Variants in PLXDC2 observed in about 807,000 individuals in gnomAD.
The protein encoded by PLXDC2 is plexin domain containing 2, also known as plexin domain-containing protein 2.
A neutral mutation model predicts 68.9 loss-of-function variants in PLXDC2; 40 were observed. The ratio of observed to expected loss-of-function variants is 0.58; its 90% CI spans 0.45 to 0.76. The LOEUF is 0.76. Among genes scored for constraint, PLXDC2 ranks in the 30% least tolerant of loss-of-function variants. PLXDC2 has a pLI of 0.00. For synonymous variants in PLXDC2, 243 were observed against 234.2 expected, an observed-to-expected ratio of 1.04 and a Z score of -0.34; for missense variants, 644 against 661.9, an observed-to-expected ratio of 0.97 and a Z score of 0.30.
rs749435110 is a variant in PLXDC2, at chr10:19,818,227, GGTGTGTGTGTGT to G, written c.112+1071_112+1082del. Among the ~76,000 whole-genome samples the G allele has an allele frequency of 6.4e-3, 881 of 137,596 alleles. 1 individual carries two copies. The highest frequency in any genetic ancestry group is 9.4e-3 in the Non-Finnish European group (603 of 64,380). 90.3% of individuals were successfully genotyped at this position (137,596 alleles called of 152,430 possible). ...TCAATTTGTCAATTTGTTCTTTTCT[GGTGTGTGTGTGT>G]GTGTGTGTGTGTGTGTGTGTGTGTG... On this transcript the variant is annotated intron_variant, in intron 1 of 13. Transcript: ENST00000377252.
intron 1 of PLXDC2, among the ~76,000 whole-genome samples, chr10:19,927,713 C>CAAAAAAAAAAAAAA (rs35250324): frequency 4.0e-3 from 215 of 53,154 alleles, no homozygotes; most frequent in Admixed American, 6.2e-3. Context: ...GGAAAAAAAG[C>CAAAAAAAAAAAAAA]AAAAAAAAAA....
At position 20,217,478 on chromosome 10, in the gene PLXDC2, C is replaced by T; in HGVS notation, c.1175C>T (p.Thr392Ile). Reference sequence around the variant, plus strand: ...GAACCAGTGGAAACTTCTTCTCGAACCACCACAACCGTAGGAGCGACAACC... The same window carrying T: ...GAACCAGTGGAAACTTCTTCTCGAATCACCACAACCGTAGGAGCGACAACC... The part of the protein sequence containing the change: ...NTEPVETSSR[T>I]TTTVGATTTQ... Residue 392 changes from threonine to isoleucine, a missense_variant, in exon 11 of 14, where the codon ACC becomes ATC. By Grantham distance (89) the Thr-to-Ile change is moderately conservative. This residue lies in a region of PLXDC2 where 330 missense variants were observed against 327.9 expected (regional missense o/e 1.01). Coordinates refer to ENST00000377252, the MANE Select transcript of PLXDC2 (RefSeq NM_032812.9). 6.2e-7 allele frequency: 1 copy of T among 1,612,548 alleles called. No homozygotes were observed. Among genetic ancestry groups the T allele is most frequent in the Non-Finnish European group, 8.5e-7 (1 of 1,179,070 alleles).
rs576683040 is a variant in PLXDC2 at position 20,271,942 on chromosome 10, G to C, written c.1474-7761G>C. ...AATATATTATTTTCCCTATAAATAA[G>C]ATAAATGCCTTATCTTTAGTACTGT... On this transcript the variant is annotated intron_variant, in intron 13 of 13. Coordinates refer to ENST00000377252, the MANE Select transcript of PLXDC2 (RefSeq NM_032812.9). Among the ~76,000 whole-genome samples the C allele has an allele frequency of 2.0e-5, 3 of 152,278 alleles. No individual in the cohort carries two copies. In the South Asian group the frequency reaches 6.2e-4, roughly 32 times the overall value.
chr10:20,114,602 A>G (rs1385441493), intron 4 of PLXDC2, among the ~76,000 whole-genome samples: 1 of 152,234 alleles, frequency 6.6e-6, no homozygotes, highest in Non-Finnish European at 1.5e-5. Context: ...CAAAGGGTGT[A>G]ATCAGGCCTT....
At chr10:20,005,915 C>G (rs970300818) in intron 2 of PLXDC2, among the ~76,000 whole-genome samples, 2 of 152,084 alleles carry the variant, frequency 1.3e-5, no homozygotes, top group Non-Finnish European at 2.9e-5. Context: ...GTGGGCCAGG[C>G]GCAGTGGCTC....
chr10:19,937,553 T>TATATATATATATATATATAC (rs1330436218), intron 1 of PLXDC2, among the ~76,000 whole-genome samples: 2 of 68,682 alleles, frequency 2.9e-5, no homozygotes, highest in African/African-American at 6.3e-5. Flanking sequence ...TGTATATATA[T>TATATATATATATATATATAC]ATATATATAT....
intron 3 of PLXDC2, among the ~76,000 whole-genome samples, chr10:20,049,054 C>T (rs1589604732): frequency 6.6e-6 from 1 of 152,028 alleles, no homozygotes; most frequent in East Asian, 1.9e-4. Flanking sequence ...AGATACCCTG[C>T]CATTGTCATA....
intron 2 of PLXDC2, among the ~76,000 whole-genome samples, chr10:20,020,347 G>A (rs1018071078): frequency 9.9e-5 from 15 of 151,930 alleles, no homozygotes; most frequent in Non-Finnish European, 1.6e-4. Context: ...ATGGATAGCC[G>A]ACAATACCAG....
At chr10:19,827,073 C>T (rs931740322) in intron 1 of PLXDC2, among the ~76,000 whole-genome samples, 9 of 152,150 alleles carry the variant, frequency 5.9e-5, no homozygotes, top group East Asian at 5.8e-4. Context: ...TCCTTGCAAA[C>T]GTCTTTTCCT....
In PLXDC2 at chr10:19,816,619, A is replaced by C; in HGVS notation, c.-461A>C. The C allele has an allele frequency of 5.6e-6, 1 of 179,286 alleles. No individual in the cohort carries two copies. The highest frequency in any genetic ancestry group is 1.5e-4 in the East Asian group (1 of 6,592). 11.1% of individuals were successfully genotyped at this position (179,286 alleles called of 1,614,324 possible). ...CCGGGGCCATCCCTAGACAGAGGAA[A>C]GTTCCTGCAGAGCCGACCAGCCCTA... On this transcript the variant is annotated 5_prime_UTR_variant, in exon 1 of 14. Transcript: ENST00000377252.
At chr10:19,908,360 A>C (rs1471724560) in intron 1 of PLXDC2, among the ~76,000 whole-genome samples, 2 of 152,288 alleles carry the variant, frequency 1.3e-5, no homozygotes, top group African/African-American at 4.8e-5. Context: ...TGGGATTACA[A>C]TTGTTAGAAG....
intron 3 of PLXDC2, among the ~76,000 whole-genome samples, chr10:20,048,695 G>T (rs1225014362): frequency 6.6e-6 from 1 of 152,106 alleles, no homozygotes; most frequent in Non-Finnish European, 1.5e-5. Context: ...CTCAGTTAAA[G>T]TATTAGCTGA....
intron 2 of PLXDC2, among the ~76,000 whole-genome samples, chr10:20,010,747 C>G (rs1194042277): frequency 1.3e-5 from 2 of 152,164 alleles, no homozygotes; most frequent in Non-Finnish European, 2.9e-5. Flanking sequence ...CTTGCATTCT[C>G]CATGTTCAAA....
chr10:20,179,191 G>C (rs551859166), intron 9 of PLXDC2, among the ~76,000 whole-genome samples: 2 of 152,234 alleles, frequency 1.3e-5, no homozygotes, highest in African/African-American at 4.8e-5. Flanking sequence ...CCTCGTCCAA[G>C]TCTGCATGAG....
At chr10:20,222,345 A>T (rs1835223381) in intron 12 of PLXDC2, among the ~76,000 whole-genome samples, 1 of 152,196 alleles carries the variant, frequency 6.6e-6, no homozygotes, top group East Asian at 1.9e-4. Context: ...AGCATTAAAT[A>T]CTTCTGAGCA....
chr10:20,076,872 A>G (rs960039446), intron 4 of PLXDC2, among the ~76,000 whole-genome samples: 2 of 152,148 alleles, frequency 1.3e-5, no homozygotes, highest in Non-Finnish European at 2.9e-5. Context: ...CTGTCCCATG[A>G]TGACATTTTG....
chr10:19,893,000 T>C (rs1399197010), intron 1 of PLXDC2, among the ~76,000 whole-genome samples: 1 of 151,122 alleles, frequency 6.6e-6, no homozygotes, highest in Non-Finnish European at 1.5e-5. Flanking sequence ...TTCAATTCCA[T>C]AGATATTTAG....
chr10:20,025,707 A>G (rs952945611), intron 2 of PLXDC2, among the ~76,000 whole-genome samples: 1 of 152,004 alleles, frequency 6.6e-6, no homozygotes, highest in African/African-American at 2.4e-5. Context: ...AGAAGTTTCT[A>G]TTCAAGTCTT....
chr10:20,273,954 A>C (rs1344905413), intron 13 of PLXDC2, among the ~76,000 whole-genome samples: 1 of 151,930 alleles, frequency 6.6e-6, no homozygotes, highest in Non-Finnish European at 1.5e-5. Flanking sequence ...GGGGAAGATC[A>C]CTTGAGCCCA....
Sources: allele counts gnomAD v4.1 joint callset (sites outside exome capture counted in the v4.1 genomes callset), GRCh38; gene constraint gnomAD v4.1.1; regional missense constraint gnomAD v4.1.1; transcripts MANE v1.5; gene names NCBI Gene and HGNC (gene_info 2026-07-23, HGNC 2026-07-21).